Variants in PNPLA1 observed in about 807,000 individuals in gnomAD.
The protein encoded by PNPLA1 is patatin like domain 1, omega-hydroxyceramide transacylase, also known as omega-hydroxyceramide transacylase.
Under a neutral mutation model 51.7 loss-of-function variants are expected in PNPLA1, and 36 were observed. The observed-to-expected ratio is 0.70, with a 90% confidence interval of 0.53 to 0.92. The LOEUF is 0.92. PNPLA1 is among the 40% of genes least tolerant of loss of function. PNPLA1 has a pLI of 0.00. For synonymous variants in PNPLA1, 293 were observed against 280.1 expected, an observed-to-expected ratio of 1.05 and a Z score of -0.46; for missense variants, 658 against 682.5, an observed-to-expected ratio of 0.96 and a Z score of 0.40.
chr6:36,283,732 A>G (rs567409688), intron 1 of PNPLA1, among the ~76,000 whole-genome samples: 1 of 152,368 alleles, frequency 6.6e-6, no homozygotes, highest in African/African-American at 2.4e-5. Context: ...TAGAAGCAGG[A>G]TTGACAGAGC....
chr6:36,307,499 G>A (rs937731179), intron 7 of PNPLA1, 88 bp from the exon 8 acceptor site: 6 of 1,498,564 alleles, frequency 4.0e-6, no homozygotes, highest in Non-Finnish European at 5.4e-6. Context: ...CAGCGCGGGT[G>A]TGTCCACCTG....
At position 36,307,577 on chromosome 6, in the gene PNPLA1, C is replaced by G. The variant is rs1561874554; in HGVS notation, c.1470-10C>G. On this transcript the variant is annotated splice_polypyrimidine_tract_variant and intron_variant, in intron 7 of 8. Coordinates refer to ENST00000636260, the MANE Select transcript of PNPLA1 (RefSeq NM_001374623.1). ...CCATAATGAACCATCTACTTAATCT[C>G]TTTGCCTAGGGAGAGCCCTGCTGAA... The G allele has an allele frequency of 5.6e-6, 9 of 1,612,708 alleles. No homozygotes were observed. The highest frequency in any genetic ancestry group is 1.7e-5 in the Admixed American group (1 of 59,922).
chr6:36,269,635 A>ACTC (rs907570848), upstream of PNPLA1, among the ~76,000 whole-genome samples: 1 of 152,142 alleles, frequency 6.6e-6, no homozygotes, highest in Non-Finnish European at 1.5e-5. Context: ...GCTTGTCGAG[A>ACTC]GGGCACTGAC....
chr6:36,291,353 C>T lies in PNPLA1; in HGVS notation c.239C>T (p.Ala80Val). Residue 80 changes from alanine (A) to valine (V), a missense_variant, in exon 2 of 9, where the codon GCC (alanine) becomes GTC (valine). Physicochemically the swap from Ala to Val is moderately conservative, Grantham distance 64. Transcript: ENST00000636260. ...CTCAGAGTCCTCAACGTGGGTGTGG[C>T]CGAGGTGAAGAAATCCTTCCTGGGG... Reference protein sequence around the residue: ...EYLRVLNVGVAEVKKSFLGPL... With the variant: ...EYLRVLNVGVVEVKKSFLGPL... 6.2e-7 allele frequency: 1 copy of T among 1,614,110 alleles called. No homozygotes were observed. The highest frequency in any genetic ancestry group is 8.5e-7 in the Non-Finnish European group (1 of 1,180,000).
upstream of PNPLA1, among the ~76,000 whole-genome samples, chr6:36,267,595 GC>G (rs941970453): frequency 2.0e-5 from 3 of 152,140 alleles, no homozygotes; most frequent in East Asian, 5.8e-4. Flanking sequence ...TGGGTCCCCA[GC>G]CCCCCAGGTG....
At chr6:36,291,796 C>T (rs758033512) in intron 2 of PNPLA1, among the ~76,000 whole-genome samples, 29 of 152,198 alleles carry the variant, frequency 1.9e-4, no homozygotes, top group African/African-American at 6.3e-4. Flanking sequence ...CCATCCTGCC[C>T]GGCCCCCTGC....
At chr6:36,244,229 T>C (rs1171912639) in intron 1 of PNPLA1, among the ~76,000 whole-genome samples, 1 of 152,176 alleles carries the variant, frequency 6.6e-6, no homozygotes, top group East Asian at 1.9e-4. Context: ...GTGATAATCC[T>C]CTTCCTACTA....
chr6:36,307,753 C>A, intron 8 of PNPLA1, 41 bp downstream of exon 8: 1 of 1,609,074 alleles, frequency 6.2e-7, no homozygotes, highest in Non-Finnish European at 8.5e-7. Flanking sequence ...CGGAGAGGAG[C>A]AGCTTTGGGA....
At chr6:36,288,638 T>G (rs1027539994) in intron 1 of PNPLA1, among the ~76,000 whole-genome samples, 4 of 151,752 alleles carry the variant, frequency 2.6e-5, no homozygotes, top group Non-Finnish European at 5.9e-5. Flanking sequence ...TTTTGTATTT[T>G]TAGTAGAGAC....
intron 1 of PNPLA1, among the ~76,000 whole-genome samples, chr6:36,246,436 A>G (rs1414858197): frequency 1.3e-5 from 2 of 152,104 alleles, no homozygotes; most frequent in African/African-American, 4.8e-5. Flanking sequence ...TCTTGAACTC[A>G]AGTGATCCGC....
At position 36,248,556 on chromosome 6, in the gene PNPLA1, C is replaced by G. The variant is rs1040642742; in HGVS notation, c.-81+5295C>G. On this transcript the variant is annotated intron_variant, in intron 1 of 7. Coordinates refer to the PNPLA1 transcript ENST00000312917. The stretch of plus-strand genomic sequence containing the variant: ...TTTTTTTTTGAGACGGAGTCTTGCT[C>G]TGTCGCCCAGGCTGGAGTGCAGTGG... Among the ~76,000 whole-genome samples the G allele has an allele frequency of 1.6e-4, 24 of 150,630 alleles. No homozygotes were observed. In the South Asian group the frequency reaches 4.6e-3, roughly 29 times the overall value.
intron 1 of PNPLA1, among the ~76,000 whole-genome samples, chr6:36,276,273 C>A (rs568552696): frequency 9.2e-5 from 14 of 152,222 alleles, no homozygotes; most frequent in African/African-American, 3.4e-4. Flanking sequence ...TTTTCTGAGG[C>A]TCTTCTCAAG....
intron 8 of PNPLA1, 90 bp downstream of exon 8, chr6:36,307,802 T>G: frequency 6.6e-7 from 1 of 1,518,432 alleles, no homozygotes. Flanking sequence ...GAGGAGAGTG[T>G]AAGGGAGTAG....
intron 5 of PNPLA1, among the ~76,000 whole-genome samples, chr6:36,300,216 A>AGAGAGG: frequency 6.7e-6 from 1 of 148,350 alleles, no homozygotes; most frequent in African/African-American, 2.5e-5. Context: ...AGAGAGAGAG[A>AGAGAGG]CAGAGTCTTG....
chr6:36,249,026 G>A (rs1222142530), intron 1 of PNPLA1, among the ~76,000 whole-genome samples: 1 of 152,170 alleles, frequency 6.6e-6, no homozygotes, highest in Non-Finnish European at 1.5e-5. Context: ...CCCACTTCAT[G>A]CCAGGTGTTT....
chr6:36,251,641 T>C (rs1769423518), intron 1 of PNPLA1, among the ~76,000 whole-genome samples: 2 of 152,288 alleles, frequency 1.3e-5, no homozygotes, highest in South Asian at 4.1e-4. Context: ...TTCAAGATTG[T>C]TTGTTACCAC....
intron 1 of PNPLA1, among the ~76,000 whole-genome samples, chr6:36,260,379 A>G (rs970731691): frequency 1.3e-5 from 2 of 152,192 alleles, no homozygotes; most frequent in Non-Finnish European, 2.9e-5. Context: ...GGGGGAAAAT[A>G]TATGCCTTAG....
At chr6:36,261,033 C>T (rs1308012885) in intron 1 of PNPLA1, among the ~76,000 whole-genome samples, 2 of 152,104 alleles carry the variant, frequency 1.3e-5, no homozygotes, top group East Asian at 3.9e-4. Flanking sequence ...TTTGCCATGT[C>T]CCCCAGGCTG....
chr6:36,247,208 G>A (rs1347974707), intron 1 of PNPLA1, among the ~76,000 whole-genome samples: 4 of 152,138 alleles, frequency 2.6e-5, no homozygotes, highest in Non-Finnish European at 4.4e-5. Flanking sequence ...TGGAGCCATC[G>A]CCCCTCAGGG....
Sources: gnomAD v4.1 joint callset for allele counts (sites outside exome capture counted in the v4.1 genomes callset) on GRCh38, gnomAD v4.1.1 for gene constraint, MANE v1.5 for transcripts, NCBI Gene and HGNC (gene_info 2026-07-23, HGNC 2026-07-21) for gene names.